The following LRRC49 variants were observed in gnomAD, a reference collection of about 807,000 sequenced individuals.
LRRC49 encodes the protein leucine-rich repeat-containing protein 49.
In LRRC49, 50 loss-of-function variants were observed where a neutral mutation model predicts 83.3. The observed-to-expected ratio is 0.60, with a 90% CI of 0.48 to 0.76. The LOEUF (loss-of-function observed/expected upper bound fraction) is 0.76, where lower values mean the gene tolerates loss of function less well. Ranked by LOEUF, LRRC49 falls within the 30% of genes least tolerant of loss-of-function variation. LRRC49 has a pLI of 0.00. For synonymous variants in LRRC49, 286 were observed against 283.3 expected (o/e 1.01, Z -0.10); for missense variants, 704 against 809.1 (o/e 0.87, Z 1.58).
intron 2 of LRRC49, chr15:70,873,328 A>C: frequency 7.9e-7 from 1 of 1,258,848 alleles, no homozygotes. Context: ...AACTAAAGCT[A>C]TTATACAAGA....
chr15:70,942,297 A>C (rs2035850192), intron 8 of LRRC49, among the ~76,000 whole-genome samples: 1 of 152,158 alleles, frequency 6.6e-6, no homozygotes, highest in Non-Finnish European at 1.5e-5. Flanking sequence ...AGTTGCAGGA[A>C]AAATTTTGGT....
upstream of LRRC49, chr15:70,892,210 G>T (rs1174328890): frequency 1.2e-6 from 2 of 1,602,124 alleles, no homozygotes; most frequent in Non-Finnish European, 1.7e-6. Context: ...TGGGAAAGCG[G>T]AACAGCGACT....
intron 1 of LRRC49, among the ~76,000 whole-genome samples, chr15:70,858,423 G>A (rs940081901): frequency 7.9e-5 from 12 of 152,152 alleles, no homozygotes; most frequent in African/African-American, 2.2e-4. Context: ...CCAACATGGC[G>A]AAACCCTGTC....
At chr15:70,964,080 T>TATACAATCA in intron 9 of LRRC49, 148 bp downstream of exon 9, 1 of 655,200 alleles carries the variant, frequency 1.5e-6, no homozygotes, top group Non-Finnish European at 2.3e-6. Flanking sequence ...AATTATGTAG[T>TATACAATCA]TTTTACTGCC....
chr15:70,904,427 G>A, intron 4 of LRRC49, 125 bp from the exon 5 acceptor site: 1 of 621,856 alleles, frequency 1.6e-6, no homozygotes, highest in Non-Finnish European at 2.8e-6. Context: ...CATGGGGGTT[G>A]GAAGTGGTCC....
chr15:70,858,747 T>C lies in LRRC49; in HGVS notation c.-299+5278T>C, dbSNP rs1264404493. 6 of 1,143,314 alleles carry C rather than the reference T, an allele frequency of 5.2e-6. No individual in the cohort carries two copies. The East Asian group carries it at 1.2e-4, about 23-fold the overall frequency. The allele number at this position is 1,143,314 out of a possible 1,614,324, so 70.8% of individuals were successfully genotyped here. A position where few individuals can be genotyped will look rare whatever the true frequency, so the allele number is the denominator to read the frequency against. On this transcript the variant is annotated intron_variant, in intron 1 of 16. Transcript: ENST00000544974. ...AGGGTGACCCAGAAGTCCTACAAGA[T>C]GTCCACCTCTGGCCCCCGGGCCTTC...
intron 1 of LRRC49, among the ~76,000 whole-genome samples, chr15:70,871,072 G>C (rs1359978171): frequency 1.3e-5 from 2 of 151,850 alleles, no homozygotes; most frequent in African/African-American, 2.4e-5. Context: ...ACAAGGGTCT[G>C]TGGTTTTCCT....
At chr15:70,933,961 G>T (rs1042277246) in intron 7 of LRRC49, among the ~76,000 whole-genome samples, 4 of 152,098 alleles carry the variant, frequency 2.6e-5, no homozygotes, top group Non-Finnish European at 4.4e-5. Context: ...ATCCCTTTCT[G>T]TATAGGCAAA....
At chr15:70,966,634 A>G (rs910585745) in intron 9 of LRRC49, among the ~76,000 whole-genome samples, 1 of 152,034 alleles carries the variant, frequency 6.6e-6, no homozygotes, top group Non-Finnish European at 1.5e-5. Context: ...TACATATATT[A>G]TTTTTTAATT....
chr15:70,938,723 C>G (rs1193676784), intron 8 of LRRC49, among the ~76,000 whole-genome samples: 1 of 152,100 alleles, frequency 6.6e-6, no homozygotes, highest in South Asian at 2.1e-4. Flanking sequence ...AATAGAGTTG[C>G]CAGGTTTTAC....
chr15:71,017,056 G>A (rs991921167), intron 14 of LRRC49, among the ~76,000 whole-genome samples: 1 of 117,794 alleles, frequency 8.5e-6, no homozygotes, highest in African/African-American at 3.3e-5. Context: ...GCTGCAGTGA[G>A]CCATGATCTA....
upstream of LRRC49, among the ~76,000 whole-genome samples, chr15:70,891,240 A>T (rs2033552089): frequency 6.6e-6 from 1 of 152,200 alleles, no homozygotes; most frequent in Non-Finnish European, 1.5e-5. Flanking sequence ...AAGGAACAGA[A>T]AAGTAGGCAG....
chr15:71,002,360 A>G (rs975077484), intron 11 of LRRC49, among the ~76,000 whole-genome samples: 3 of 152,188 alleles, frequency 2.0e-5, no homozygotes, highest in Admixed American at 6.5e-5. Context: ...CTATGAAAAA[A>G]TTATAGACAC....
intron 1 of LRRC49, among the ~76,000 whole-genome samples, chr15:70,855,059 C>A (rs1220000770): frequency 6.6e-6 from 1 of 152,098 alleles, no homozygotes; most frequent in Admixed American, 6.5e-5. Flanking sequence ...ACCGGCCGGG[C>A]GCAGTGGCTC....
intron 1 of LRRC49, chr15:70,853,905 G>A (rs2032566487): frequency 5.2e-6 from 7 of 1,353,994 alleles, no homozygotes; most frequent in South Asian, 1.8e-5. Flanking sequence ...CCGCGGCTCG[G>A]CTCCTCCTCG....
At chr15:70,854,058 C>T (rs529794026) in intron 1 of LRRC49, 7 of 1,390,460 alleles carry the variant, frequency 5.0e-6, no homozygotes, top group Middle Eastern at 2.0e-4. Context: ...GTCTTGGGCC[C>T]GGGCCGAGCC....
At chr15:70,882,589 C>T (rs2033290802) in intron 2 of LRRC49, 3 of 1,614,018 alleles carry the variant, frequency 1.9e-6, no homozygotes, top group Non-Finnish European at 2.5e-6. Context: ...ACCACAATTC[C>T]TCTGTCTGAG....
chr15:70,958,999 GAC>G (rs2036499918), intron 8 of LRRC49, among the ~76,000 whole-genome samples: 1 of 152,020 alleles, frequency 6.6e-6, no homozygotes, highest in South Asian at 2.1e-4. Flanking sequence ...AGCTTTTCTT[GAC>G]ACAGTGAGAA....
At chr15:70,879,164 C>T (rs761213495) in intron 2 of LRRC49, among the ~76,000 whole-genome samples, 5 of 152,150 alleles carry the variant, frequency 3.3e-5, no homozygotes, top group African/African-American at 9.7e-5. Flanking sequence ...GTGCCAGTTT[C>T]GATAGCTTGT....
Sources: gnomAD v4.1 joint callset for allele counts (sites outside exome capture counted in the v4.1 genomes callset) on GRCh38, gnomAD v4.1.1 for gene constraint, MANE v1.5 for transcripts, NCBI Gene and HGNC (gene_info 2026-07-23, HGNC 2026-07-21) for gene names.